LARGE1: variants seen among roughly 807,000 people sequenced by gnomAD.
LARGE1 encodes the protein xylosyl- and glucuronyltransferase LARGE1.
A neutral mutation model predicts 87.6 loss-of-function variants in LARGE1; 43 were observed. The observed-to-expected ratio is 0.49, with a 90% CI of 0.38 to 0.63. The LOEUF (loss-of-function observed/expected upper bound fraction) is 0.63, where lower values mean the gene tolerates loss of function less well. Among genes scored for constraint, LARGE1 ranks in the 30% least tolerant of loss-of-function variants. The probability of loss-of-function intolerance (pLI) is 0.00; values close to 1 mark genes in which losing one functional copy is unlikely to be tolerated. For synonymous variants in LARGE1, 434 were observed against 394.6 expected, an observed-to-expected ratio of 1.10 and a Z score of -1.18; for missense variants, 802 against 1,000.2, an observed-to-expected ratio of 0.80 and a Z score of 2.67.
intron 1 of LARGE1, among the ~76,000 whole-genome samples, chr22:33,818,676 T>G (rs375087986): frequency 2.2e-3 from 340 of 152,312 alleles, no homozygotes; most frequent in Non-Finnish European, 3.7e-3. Flanking sequence ...CTGCTGTGCT[T>G]CATGGACCAG....
intron 4 of LARGE1, among the ~76,000 whole-genome samples, chr22:33,615,869 A>G (rs1481033968): frequency 6.6e-6 from 1 of 152,208 alleles, no homozygotes; most frequent in Non-Finnish European, 1.5e-5. Flanking sequence ...GATTTAAATA[A>G]CCATTTCTCA....
chr22:33,591,218 G>C (rs1249380262), intron 5 of LARGE1, among the ~76,000 whole-genome samples: 1 of 152,112 alleles, frequency 6.6e-6, no homozygotes. Context: ...AAACAAAAAA[G>C]CTACCAAGCT....
chr22:33,796,664 G>T (rs2085993935), intron 1 of LARGE1, among the ~76,000 whole-genome samples: 1 of 151,074 alleles, frequency 6.6e-6, no homozygotes. Context: ...AAAGAAAACA[G>T]CAAAGTCCCT....
chr22:33,828,132 G>A (rs956162596), intron 1 of LARGE1, among the ~76,000 whole-genome samples: 6 of 152,326 alleles, frequency 3.9e-5, no homozygotes, highest in Middle Eastern at 3.4e-3. Context: ...CAGGAGGGGA[G>A]AAGATGAGCT....
chr22:33,412,993 G>A (rs2066362139), intron 7 of LARGE1, among the ~76,000 whole-genome samples: 1 of 152,124 alleles, frequency 6.6e-6, no homozygotes, highest in South Asian at 2.1e-4. Flanking sequence ...TTTAACAACT[G>A]GATCCCATAT....
At chr22:33,236,019 T>C (rs1329465544) in intron 11 of LARGE1, among the ~76,000 whole-genome samples, 1 of 152,104 alleles carries the variant, frequency 6.6e-6, no homozygotes, top group Non-Finnish European at 1.5e-5. Context: ...AAGAAAGCCA[T>C]GTGATGATGG....
At chr22:33,253,025 T>C (rs886615669) in intron 11 of LARGE1, among the ~76,000 whole-genome samples, 1 of 152,176 alleles carries the variant, frequency 6.6e-6, no homozygotes, top group African/African-American at 2.4e-5. Flanking sequence ...GGGGAGATTA[T>C]GAGCTCAGAA....
intron 12 of LARGE1, among the ~76,000 whole-genome samples, chr22:33,300,762 G>C (rs567790962): frequency 6.6e-6 from 1 of 152,084 alleles, no homozygotes; most frequent in Non-Finnish European, 1.5e-5. Flanking sequence ...GGATGGTCTC[G>C]ATCTTCTGAC....
intron 5 of LARGE1, among the ~76,000 whole-genome samples, chr22:33,588,036 G>A (rs1238756682): frequency 2.0e-5 from 3 of 152,050 alleles, no homozygotes; most frequent in African/African-American, 7.3e-5. Context: ...TTATGTTCAC[G>A]GCAGATAAAA....
rs79022411 is a variant in LARGE1, at chr22:33,609,569, T to C, written c.492-5011A>G. 7.9e-3 allele frequency among the ~76,000 whole-genome samples: 1,207 copies of C among 152,246 alleles called. 12 individuals carry two copies. The highest frequency in any genetic ancestry group is 0.017 in the Middle Eastern group (5 of 294). Reference sequence around the variant, plus strand: ...TCAGCAGGGAAGTGCAGTTGACCGTTGAGTAACATGGGGTTGAACTGTATG... The same window carrying C: ...TCAGCAGGGAAGTGCAGTTGACCGTCGAGTAACATGGGGTTGAACTGTATG... On this transcript the variant is annotated intron_variant, in intron 4 of 14. Coordinates refer to ENST00000397394, the MANE Select transcript of LARGE1 (RefSeq NM_133642.5).
intron 1 of LARGE1, among the ~76,000 whole-genome samples, chr22:33,809,474 T>C (rs1472839056): frequency 6.6e-6 from 1 of 152,198 alleles, no homozygotes; most frequent in Admixed American, 6.5e-5. Flanking sequence ...ACATAGGAAG[T>C]TGTCAATAAA....
the LARGE1 span, among the ~76,000 whole-genome samples, chr22:33,070,420 G>A: frequency 6.6e-6 from 1 of 152,204 alleles, no homozygotes; most frequent in South Asian, 2.1e-4. Flanking sequence ...AGCTTGTGGG[G>A]TGGGTTAGAG....
Position 33,450,449 on chromosome 22 carries a change from A to G in LARGE1, c.788-18184T>C, listed in dbSNP as rs1237562824. On this transcript the variant is annotated intron_variant, in intron 6 of 14. Coordinates refer to ENST00000397394, the MANE Select transcript of LARGE1 (RefSeq NM_133642.5). Reference sequence around the variant, plus strand: ...AAACCCCATCTCTACTAAAAATACAAAAAAAAAAAAAAAATTAGCCAGGTG... The same window carrying G: ...AAACCCCATCTCTACTAAAAATACAGAAAAAAAAAAAAAATTAGCCAGGTG... Among the ~76,000 whole-genome samples the G allele has an allele frequency of 1.5e-4, 10 of 64,614 alleles. No homozygotes were observed. The East Asian group carries it at 2.6e-3, about 17-fold the overall frequency. 42.4% of individuals were successfully genotyped at this position (64,614 alleles called of 152,430 possible). A position where few individuals can be genotyped will look rare whatever the true frequency, so the allele number is the denominator to read the frequency against.
In LARGE1 at chr22:33,612,350, C is replaced by T. The variant is rs146817819; in HGVS notation, c.492-7792G>A. 3.8e-3 allele frequency among the ~76,000 whole-genome samples: 579 copies of T among 152,300 alleles called. 6 individuals carry two copies. Among genetic ancestry groups the T allele is most frequent in the African/African-American group, 0.013 (541 of 41,556 alleles). On this transcript the variant is annotated intron_variant, in intron 4 of 14. Coordinates refer to ENST00000397394, the MANE Select transcript of LARGE1 (RefSeq NM_133642.5). ...AACTCTTGACCTCAAGATCTGCCTG[C>T]CTTGGCCTCCCAAAGTGCTGGGATT...
intron 7 of LARGE1, among the ~76,000 whole-genome samples, chr22:33,415,534 C>T (rs1175788807): frequency 2.0e-5 from 3 of 152,142 alleles, no homozygotes; most frequent in Non-Finnish European, 2.9e-5. Context: ...GGAAGGCAAG[C>T]GATGGGAAAT....
At chr22:33,116,788 T>C in the LARGE1 span, among the ~76,000 whole-genome samples, 1 of 151,628 alleles carries the variant, frequency 6.6e-6, no homozygotes, top group African/African-American at 2.4e-5. Flanking sequence ...GGGGGTGGAG[T>C]TGGTTGTTGA....
intron 11 of LARGE1, among the ~76,000 whole-genome samples, chr22:33,196,568 C>T (rs1924091734): frequency 6.6e-6 from 1 of 151,928 alleles, no homozygotes; most frequent in Non-Finnish European, 1.5e-5. Flanking sequence ...TATCAAACAG[C>T]AAATGAATAA....
At chr22:33,116,238 T>G in the LARGE1 span, 1 of 152,206 alleles carries the variant, frequency 6.6e-6, no homozygotes, top group Non-Finnish European at 1.5e-5. Context: ...CGATGGCGAC[T>G]GGCACTCCTA....
chr22:33,845,134 G>C (rs2063392890), intron 1 of LARGE1, among the ~76,000 whole-genome samples: 1 of 152,022 alleles, frequency 6.6e-6, no homozygotes, highest in Non-Finnish European at 1.5e-5. Context: ...TGTATTTACA[G>C]GATTCTAAAG....
Sources: gnomAD v4.1 joint callset for allele counts (sites outside exome capture counted in the v4.1 genomes callset) on GRCh38, gnomAD v4.1.1 for gene constraint, MANE v1.5 for transcripts, NCBI Gene and HGNC (gene_info 2026-07-23, HGNC 2026-07-21) for gene names.